Variants in LHFPL2 observed in about 807,000 individuals in gnomAD.
The protein encoded by LHFPL2 is LHFPL tetraspan subfamily member 2, also known as LHFPL tetraspan subfamily member 2 protein.
In LHFPL2, 7 loss-of-function variants were observed where a neutral mutation model predicts 17.5. That is an observed-to-expected ratio of 0.40 (90% CI 0.23 to 0.75). The LOEUF is 0.75. Among genes scored for constraint, LHFPL2 ranks in the 30% least tolerant of loss-of-function variants. LHFPL2 has a pLI of 0.37. For missense variants in LHFPL2, 241 were observed against 294.8 expected, an observed-to-expected ratio of 0.82 and a Z score of 1.34; for synonymous variants, 134 against 116.2, an observed-to-expected ratio of 1.15 and a Z score of -0.99.
intron 1 of LHFPL2, among the ~76,000 whole-genome samples, chr5:78,641,331 A>C (rs1231840183): frequency 6.6e-6 from 1 of 152,232 alleles, no homozygotes; most frequent in Non-Finnish European, 1.5e-5. Flanking sequence ...AAGGCCAGAC[A>C]ACCTGGTTAC....
intron 2 of LHFPL2, among the ~76,000 whole-genome samples, chr5:78,597,048 C>T (rs1408809060): frequency 2.0e-5 from 3 of 152,216 alleles, no homozygotes; most frequent in Non-Finnish European, 4.4e-5. Context: ...ATTGCTAAAC[C>T]TGGTTCTCAG....
chr5:78,543,219 A>G (rs1756166064), intron 3 of LHFPL2, among the ~76,000 whole-genome samples: 1 of 152,288 alleles, frequency 6.6e-6, no homozygotes, highest in African/African-American at 2.4e-5. Context: ...CCCGGCATCT[A>G]TAAAACCCTT....
At chr5:78,610,247 G>A (rs886945893) in intron 2 of LHFPL2, among the ~76,000 whole-genome samples, 4 of 152,212 alleles carry the variant, frequency 2.6e-5, no homozygotes, top group Non-Finnish European at 4.4e-5. Context: ...AGGCAGGAAT[G>A]CAGGGTCCTC....
chr5:78,631,313 A>C (rs1235271396), intron 2 of LHFPL2, among the ~76,000 whole-genome samples: 2 of 152,172 alleles, frequency 1.3e-5, no homozygotes, highest in Non-Finnish European at 2.9e-5. Context: ...GTGTCTCTCC[A>C]AGGGAAGCCA....
chr5:78,543,012 A>G (rs1039574551), intron 3 of LHFPL2, among the ~76,000 whole-genome samples: 1 of 152,178 alleles, frequency 6.6e-6, no homozygotes, highest in South Asian at 2.1e-4. Context: ...AAGCAAAGAC[A>G]GGCAAGCTGG....
chr5:78,636,415 C>T (rs983667780), intron 1 of LHFPL2, among the ~76,000 whole-genome samples: 4 of 152,208 alleles, frequency 2.6e-5, no homozygotes, highest in African/African-American at 9.7e-5. Flanking sequence ...CTGATCCCCC[C>T]ACACTGACCA....
At chr5:78,531,372 G>GGCA (rs1311366214) in intron 3 of LHFPL2, among the ~76,000 whole-genome samples, 3 of 145,498 alleles carry the variant, frequency 2.1e-5, no homozygotes, top group Non-Finnish European at 4.5e-5. Flanking sequence ...CACAGATCGT[G>GGCA]CCACTGCACT....
intron 4 of LHFPL2, among the ~76,000 whole-genome samples, chr5:78,498,045 G>A (rs758470866): frequency 5.4e-4 from 82 of 152,314 alleles, no homozygotes; most frequent in Middle Eastern, 3.4e-3. Context: ...GGAGAAGGAC[G>A]GGAAAGGACA....
At chr5:78,627,684 A>G (rs908602526) in intron 2 of LHFPL2, among the ~76,000 whole-genome samples, 16 of 152,212 alleles carry the variant, frequency 1.1e-4, no homozygotes, top group Non-Finnish European at 7.3e-5. Context: ...CTGCCTACTC[A>G]GCAGGGCATT....
chr5:78,572,092 A>C (rs1757013447), intron 2 of LHFPL2, among the ~76,000 whole-genome samples: 2 of 152,178 alleles, frequency 1.3e-5, no homozygotes, highest in Admixed American at 6.5e-5. Flanking sequence ...GCTCTGTTGA[A>C]GCTTTTAAGG....
intron 2 of LHFPL2, among the ~76,000 whole-genome samples, chr5:78,578,895 A>C (rs1757205807): frequency 6.6e-6 from 1 of 152,232 alleles, no homozygotes; most frequent in Non-Finnish European, 1.5e-5. Context: ...TCAGCAACGT[A>C]GGTGAGCAAT....
At chr5:78,507,855 T>G (rs1754977870) in intron 4 of LHFPL2, among the ~76,000 whole-genome samples, 2 of 152,314 alleles carry the variant, frequency 1.3e-5, no homozygotes, top group South Asian at 4.1e-4. Flanking sequence ...AATTAGTGTG[T>G]GCTGGCTTCC....
At chr5:78,618,407 A>G (rs763138567) in intron 2 of LHFPL2, among the ~76,000 whole-genome samples, 5 of 152,092 alleles carry the variant, frequency 3.3e-5, no homozygotes, top group Non-Finnish European at 5.9e-5. Context: ...CCATGTGGCA[A>G]TGGCAGAGGT....
intron 3 of LHFPL2, among the ~76,000 whole-genome samples, chr5:78,548,533 G>A (rs1756351249): frequency 6.6e-6 from 1 of 152,228 alleles, no homozygotes; most frequent in African/African-American, 2.4e-5. Context: ...TCCCACAGCT[G>A]GTCAGCAAAC....
intron 4 of LHFPL2, among the ~76,000 whole-genome samples, chr5:78,498,596 C>G (rs373626880): frequency 6.6e-6 from 1 of 152,144 alleles, no homozygotes; most frequent in East Asian, 1.9e-4. Flanking sequence ...TGTATCAGAC[C>G]ACATCCAGTT....
chr5:78,579,165 C>A (rs936784922), intron 2 of LHFPL2, among the ~76,000 whole-genome samples: 2 of 152,112 alleles, frequency 1.3e-5, no homozygotes, highest in African/African-American at 4.8e-5. Flanking sequence ...ACATGACCTA[C>A]AATAAGGTGA....
In LHFPL2 at chr5:78,488,472, CAA is replaced by C; in HGVS notation, c.*423_*424del. 4.7e-6 allele frequency: 1 copy of C among 213,168 alleles called. No individual in the cohort carries two copies. Among genetic ancestry groups the C allele is most frequent in the South Asian group, 8.2e-5 (1 of 12,146 alleles). 13.2% of individuals were successfully genotyped at this position (213,168 alleles called of 1,614,324 possible). On this transcript the variant is annotated 3_prime_UTR_variant, in exon 5 of 5. Coordinates refer to ENST00000380345, the MANE Select transcript of LHFPL2 (RefSeq NM_005779.3). ...GACAACTTGAAAGAACAGAGGAAAA[CAA>C]GAACTCCAACCCAAAACCCCATTCT...
intron 2 of LHFPL2, among the ~76,000 whole-genome samples, chr5:78,585,328 C>T (rs943310611): frequency 2.0e-5 from 3 of 146,936 alleles, no homozygotes; most frequent in Admixed American, 6.8e-5. Context: ...TTTTTAAGCC[C>T]GTTGGAAAAG....
intron 3 of LHFPL2, among the ~76,000 whole-genome samples, chr5:78,562,547 A>T (rs1198293548): frequency 1.3e-5 from 2 of 151,908 alleles, no homozygotes; most frequent in Non-Finnish European, 2.9e-5. Flanking sequence ...AGGCAGAAGA[A>T]CTACTTGAAC....
Sources: gnomAD v4.1 joint callset for allele counts (sites outside exome capture counted in the v4.1 genomes callset) on GRCh38, gnomAD v4.1.1 for gene constraint, MANE v1.5 for transcripts, NCBI Gene and HGNC (gene_info 2026-07-23, HGNC 2026-07-21) for gene names.